RSPO2: variants seen among roughly 807,000 people sequenced by gnomAD.
RSPO2 encodes R-spondin-2.
Under a neutral mutation model 30.9 loss-of-function variants are expected in RSPO2, and 14 were observed. The observed-to-expected ratio is 0.45, with a 90% CI of 0.30 to 0.71. RSPO2 has a LOEUF of 0.71. Among genes scored for constraint, RSPO2 ranks in the 30% least tolerant of loss-of-function variants. The pLI, the probability that RSPO2 is intolerant of heterozygous loss-of-function variation, is 0.08. For synonymous variants in RSPO2, 107 were observed against 96.4 expected (o/e 1.11, Z -0.64); for missense variants, 264 against 301.9 (o/e 0.87, Z 0.93).
At chr8:108,012,709 T>C (rs1046333939) in intron 2 of RSPO2, among the ~76,000 whole-genome samples, 13 of 152,154 alleles carry the variant, frequency 8.5e-5, no homozygotes, top group Non-Finnish European at 5.9e-5. Flanking sequence ...ACCTATAGTA[T>C]GAGAAACTAC....
chr8:108,027,934 G>A lies in RSPO2; in HGVS notation c.95-38690C>T, dbSNP rs541456635. Among the ~76,000 whole-genome samples, 8 of 152,172 alleles carry A rather than the reference G, an allele frequency of 5.3e-5. No individual in the cohort carries two copies. The South Asian group carries it at 1.7e-3, about 32-fold the overall frequency. ...TTTGGCCTCTCACCTTTCATTCCCA[G>A]CCTAGTGACTCACCTCAGGAAGTAA... is the stretch of plus-strand genomic sequence containing the variant. On this transcript the variant is annotated intron_variant, in intron 2 of 5. Coordinates refer to ENST00000276659, the MANE Select transcript of RSPO2 (RefSeq NM_178565.5).
At chr8:108,069,271 T>G (rs1437893584) in intron 2 of RSPO2, among the ~76,000 whole-genome samples, 1 of 151,956 alleles carries the variant, frequency 6.6e-6, no homozygotes, top group Non-Finnish European at 1.5e-5. Flanking sequence ...TGGAGTGCAG[T>G]GGCACAATCT....
chr8:108,005,975 A>G (rs1389439437), intron 2 of RSPO2, among the ~76,000 whole-genome samples: 1 of 152,208 alleles, frequency 6.6e-6, no homozygotes, highest in Admixed American at 6.5e-5. Context: ...GAGTCACTCA[A>G]TACTTGAATA....
At chr8:107,904,359 A>G (rs1034472478) in intron 5 of RSPO2, among the ~76,000 whole-genome samples, 1 of 59,208 alleles carries the variant, frequency 1.7e-5, no homozygotes, top group African/African-American at 3.6e-5. Flanking sequence ...GGATCATTAG[A>G]AAAAAAAAAA....
intron 3 of RSPO2, among the ~76,000 whole-genome samples, chr8:107,963,240 A>T (rs1436907083): frequency 1.3e-5 from 2 of 151,954 alleles, no homozygotes; most frequent in Non-Finnish European, 2.9e-5. Context: ...TTAAAAAAAA[A>T]AAAAGACAAG....
Position 107,958,336 on chromosome 8 carries a change from G to A in RSPO2, c.428-68C>T. 7.0e-6 allele frequency: 9 copies of A among 1,293,878 alleles called. No individual in the cohort carries two copies. The South Asian group carries it at 1.2e-4, about 17-fold the overall frequency. 80.1% of individuals were successfully genotyped at this position (1,293,878 alleles called of 1,614,324 possible). ...TAAGTTAGTATCCATTTGCTTCACT[G>A]TCATCAAATTTACAGAGCAGTGTTC... On this transcript the variant is annotated intron_variant, in intron 4 of 5. Coordinates refer to ENST00000276659, the MANE Select transcript of RSPO2 (RefSeq NM_178565.5).
intron 5 of RSPO2, among the ~76,000 whole-genome samples, chr8:107,916,541 A>C (rs1811989662): frequency 6.6e-6 from 1 of 152,234 alleles, no homozygotes; most frequent in Non-Finnish European, 1.5e-5. Context: ...AGAAAAGAGG[A>C]ATAAGTTTTT....
At chr8:107,989,624 C>T (rs984853677) in intron 2 of RSPO2, 1 of 162,776 alleles carries the variant, frequency 6.1e-6, no homozygotes, top group Non-Finnish European at 1.3e-5. Flanking sequence ...TTGTCCATGA[C>T]CCCCTGCCCT....
intron 5 of RSPO2, among the ~76,000 whole-genome samples, chr8:107,923,710 C>T (rs1034302610): frequency 2.6e-5 from 4 of 152,066 alleles, no homozygotes; most frequent in African/African-American, 9.7e-5. Flanking sequence ...AAATGTAGTA[C>T]ATATATACCA....
chr8:107,905,488 C>T (rs368657719), intron 5 of RSPO2, among the ~76,000 whole-genome samples: 5 of 152,144 alleles, frequency 3.3e-5, no homozygotes, highest in East Asian at 3.9e-4. Flanking sequence ...GCCACAACTG[C>T]GACAAAACTA....
intron 2 of RSPO2, among the ~76,000 whole-genome samples, chr8:108,040,524 A>G (rs943730061): frequency 2.0e-5 from 3 of 152,178 alleles, no homozygotes; most frequent in African/African-American, 7.2e-5. Flanking sequence ...TGGTCTCAGA[A>G]AAAAAGTTGT....
At chr8:107,946,170 T>A (rs574713806) in intron 5 of RSPO2, among the ~76,000 whole-genome samples, 1 of 152,366 alleles carries the variant, frequency 6.6e-6, no homozygotes, top group Non-Finnish European at 1.5e-5. Context: ...GTATGAATGA[T>A]GTCCTTTAAT....
intron 5 of RSPO2, among the ~76,000 whole-genome samples, chr8:107,920,204 A>T (rs1008186406): frequency 2.0e-5 from 3 of 152,146 alleles, no homozygotes; most frequent in Admixed American, 2.0e-4. Flanking sequence ...GACTTTAATT[A>T]CTATGGCTAC....
intron 3 of RSPO2, among the ~76,000 whole-genome samples, chr8:107,967,742 G>A (rs1249854808): frequency 6.6e-6 from 1 of 152,094 alleles, no homozygotes; most frequent in African/African-American, 2.4e-5. Flanking sequence ...TATGTCAAAT[G>A]CAGAACAGGA....
intron 2 of RSPO2, among the ~76,000 whole-genome samples, chr8:108,033,290 C>T (rs552275210): frequency 4.6e-5 from 7 of 152,134 alleles, no homozygotes; most frequent in East Asian, 3.9e-4. Flanking sequence ...TCAATGTGAG[C>T]GGATATTTCT....
At chr8:108,059,047 C>A (rs1812359810) in intron 2 of RSPO2, among the ~76,000 whole-genome samples, 1 of 151,784 alleles carries the variant, frequency 6.6e-6, no homozygotes, top group African/African-American at 2.4e-5. Flanking sequence ...AAATTACCAT[C>A]AGAGTGAAAC....
intron 3 of RSPO2, among the ~76,000 whole-genome samples, chr8:107,965,323 C>A (rs1813764961): frequency 1.3e-5 from 2 of 152,132 alleles, no homozygotes; most frequent in Non-Finnish European, 2.9e-5. Context: ...GCAAGAAGGG[C>A]TTAACCTTGG....
chr8:108,045,833 GC>G (rs934172951), intron 2 of RSPO2, among the ~76,000 whole-genome samples: 1 of 152,090 alleles, frequency 6.6e-6, no homozygotes, highest in African/African-American at 2.4e-5. Context: ...ACTGCATTCA[GC>G]CTGCCACAGA....
intron 2 of RSPO2, among the ~76,000 whole-genome samples, chr8:108,063,692 A>G (rs954193495): frequency 1.3e-5 from 2 of 151,842 alleles, no homozygotes; most frequent in Non-Finnish European, 2.9e-5. Context: ...TAAAGTTCAT[A>G]TGGAACCAAA....
Sources: gnomAD v4.1 joint callset for allele counts (sites outside exome capture counted in the v4.1 genomes callset) on GRCh38, gnomAD v4.1.1 for gene constraint, MANE v1.5 for transcripts, NCBI Gene and HGNC (gene_info 2026-07-23, HGNC 2026-07-21) for gene names.